Variants in AGRN observed in about 807,000 individuals in gnomAD.
AGRN encodes agrin proteoglycan.
AGRN carries 106 observed loss-of-function variants against 211.0 expected under a neutral mutation model. The ratio of observed to expected loss-of-function variants is 0.50; its 90% CI spans 0.43 to 0.59. AGRN has a LOEUF of 0.59. Ranked by LOEUF, AGRN falls within the 20% of genes least tolerant of loss-of-function variation. The pLI, the probability that AGRN is intolerant of heterozygous loss-of-function variation, is 0.00. For synonymous variants in AGRN, 1,525 were observed against 1,332.5 expected (o/e 1.14, Z -3.15); for missense variants, 3,040 against 2,982.6 (o/e 1.02, Z -0.45).
Position 1,053,957 on chromosome 1 carries a change from G to T in AGRN, c.5856G>T (p.Trp1952Cys). The change falls in exon 34 of 36, where the codon TGG becomes TGT. Residue 1952 changes from tryptophan (W) to cysteine (C), a missense_variant. Coordinates refer to ENST00000379370, the MANE Select transcript of AGRN (RefSeq NM_198576.4). ...RSTVPVNTNR[W>C]LRVVAHREQR... is the part of the protein sequence containing the mutation. ...CCGTGCCCGTCAACACCAACCGCTG[G>T]TTGCGGGTCGTGGCACATAGGTGAG... The T allele has an allele frequency of 6.2e-7, 1 of 1,601,884 alleles. No homozygotes were observed. Among genetic ancestry groups the T allele is most frequent in the Non-Finnish European group, 8.5e-7 (1 of 1,175,144 alleles).
Position 1,046,492 on chromosome 1 carries a change from G to A in AGRN, c.3007G>A (p.Ala1003Thr), listed in dbSNP as rs756683875. ...CCAGGCACTGCCGGCCCCCCCCGGC[G>A]CCCTCCCCCTGGCTCCCAGCAGTAC... ...LSQALPAPPG[A>T]LPLAPSSTAH... is the part of the protein sequence containing the mutation. Residue 1003 changes from alanine (A) to threonine (T), a missense_variant, in exon 18 of 36, where the codon GCC (alanine) becomes ACC (threonine). Physicochemically the swap from Ala to Thr is moderately conservative, Grantham distance 58 (BLOSUM62 0). Coordinates refer to ENST00000379370, the MANE Select transcript of AGRN (RefSeq NM_198576.4). 14 of 1,603,644 alleles carry A rather than the reference G, an allele frequency of 8.7e-6. No homozygotes were observed. The South Asian group carries it at 8.8e-5, about 10-fold the overall frequency.
intron 2 of AGRN, among the ~76,000 whole-genome samples, chr1:1,025,375 G>A (rs1644497965): frequency 6.6e-6 from 1 of 152,324 alleles, no homozygotes; most frequent in Middle Eastern, 3.4e-3. Flanking sequence ...GAAGCCCAGA[G>A]TCCCACGGCA....
In AGRN at chr1:1,041,934, C is replaced by T. The variant is rs1644953675; in HGVS notation, c.1178-22C>T. The T allele has an allele frequency of 1.9e-6, 3 of 1,610,032 alleles. No individual in the cohort carries two copies. In the South Asian group the frequency reaches 3.3e-5, roughly 18 times the overall value. On this transcript the variant is annotated intron_variant, in intron 6 of 35. Coordinates refer to ENST00000379370, the MANE Select transcript of AGRN (RefSeq NM_198576.4). The stretch of plus-strand genomic sequence containing the variant: ...GGAGGGTGCTCCAGCCTCTCCGTGA[C>T]TCCCTCACCCCTGCGTCCTAGACCA...
chr1:1,024,296 C>G (rs547739082), intron 2 of AGRN, among the ~76,000 whole-genome samples: 13 of 152,150 alleles, frequency 8.5e-5, no homozygotes, highest in African/African-American at 2.7e-4. Flanking sequence ...TGTGTGCCCA[C>G]CCCTCCCCTC....
In AGRN at chr1:1,024,852, C is replaced by T. The variant is rs997048109; in HGVS notation, c.463+2390C>T. ...AGACAGGTATGTGTCCCTCCCTCTG[C>T]GCCACCTTTGGGCGGGGGAGGCCCG... is the stretch of plus-strand genomic sequence containing the variant. On this transcript the variant is annotated intron_variant, in intron 2 of 35. Coordinates refer to ENST00000379370, the MANE Select transcript of AGRN (RefSeq NM_198576.4). Among the ~76,000 whole-genome samples, 6 of 152,214 alleles carry T rather than the reference C, an allele frequency of 3.9e-5. 1 individual carries two copies. Among genetic ancestry groups the T allele is most frequent in the South Asian group, 4.1e-4 (2 of 4,834 alleles).
chr1:1,033,809 C>T (rs1644732438), intron 2 of AGRN, among the ~76,000 whole-genome samples: 1 of 142,854 alleles, frequency 7.0e-6, no homozygotes, highest in Non-Finnish European at 1.6e-5. Flanking sequence ...CGGCCCCGGG[C>T]CCAGCCCCAG....
Position 1,050,648 on chromosome 1 carries a change from C to T in AGRN, c.5141+57C>T. ...GGGGCACTGGCCCGGGGCCGGGGCA[C>T]CAGCAGGTCGCTCAGGCCCTGGGTG... is the stretch of plus-strand genomic sequence containing the variant. On this transcript the variant is annotated intron_variant, in intron 29 of 35. Coordinates refer to ENST00000379370, the MANE Select transcript of AGRN (RefSeq NM_198576.4). 1.9e-6 allele frequency: 3 copies of T among 1,603,424 alleles called. No individual in the cohort carries two copies. The South Asian group carries it at 3.3e-5, about 18-fold the overall frequency.
At chr1:1,035,345 G>C (rs199879704) in intron 3 of AGRN, 21 bp downstream of exon 3, 1 of 1,612,974 alleles carries the variant, frequency 6.2e-7, no homozygotes, top group Non-Finnish European at 8.5e-7. Flanking sequence ...CTGAGTTCGG[G>C]GGACCTGGAT....
In AGRN at chr1:1,043,278, T is replaced by C. The variant is rs1444837718; in HGVS notation, c.1424T>C (p.Phe475Ser). 2.5e-6 allele frequency: 4 copies of C among 1,611,376 alleles called. No individual in the cohort carries two copies. The highest frequency in any genetic ancestry group is 2.2e-5 in the East Asian group (1 of 44,784). The change falls in exon 8 of 36, where the codon TTT (phenylalanine) becomes TCT (serine). Residue 475 changes from phenylalanine (F) to serine (S), a missense_variant. Physicochemically the swap from Phe to Ser is radical, Grantham distance 155. Around this residue, in one of 3 missense-constraint regions of AGRN, gnomAD observed 1,498 missense variants for 1,457.8 expected, o/e 1.03. Transcript: ENST00000379370. Reference protein sequence around the residue: ...PSPCLGVQCAFGATCAVKNGQ... With the variant: ...PSPCLGVQCASGATCAVKNGQ... ...CCATGCCTCGGGGTGCAGTGTGCAT[T>C]TGGGGCGACGTGTGCTGTGAAGAAC... is the stretch of plus-strand genomic sequence containing the variant.
chr1:1,020,454 C>T (rs1644371017), intron 1 of AGRN, 81 bp downstream of exon 1: 5 of 1,351,094 alleles, frequency 3.7e-6, no homozygotes, highest in East Asian at 6.3e-5. Context: ...TGGGAACCAG[C>T]CCCGGTCGCT....
chr1:1,035,940 A>G (rs1446360029), intron 3 of AGRN, among the ~76,000 whole-genome samples: 1 of 152,024 alleles, frequency 6.6e-6, no homozygotes, highest in Non-Finnish European at 1.5e-5. Flanking sequence ...GGCCACTGTC[A>G]TCGGGGTGGT....
At position 1,054,894 on chromosome 1, in the gene AGRN, G is replaced by A; in HGVS notation, c.6051G>A (p.Leu2017=). The A allele has an allele frequency of 6.4e-7, 1 of 1,551,806 alleles. No individual in the cohort carries two copies. The change falls in exon 36 of 36, where the codon TTG becomes TTA. Residue 2017 remains leucine, a synonymous_variant. Coordinates refer to ENST00000379370, the MANE Select transcript of AGRN (RefSeq NM_198576.4). ...ACGGCACAGGCTTTGTGGGCTGCTT[G>A]CGGGACGTGGTGGTGGGCCGGCACC... ...KAYGTGFVGC[L]RDVVVGRHPL... is the part of the protein sequence containing the mutation.
chr1:1,052,344 G>C, intron 33 of AGRN: 1 of 346,038 alleles, frequency 2.9e-6, no homozygotes, highest in South Asian at 2.1e-5. Flanking sequence ...ATATGGAGTG[G>C]ATGTGCAAGT....
Position 1,046,573 on chromosome 1 carries a change from G to C in AGRN, c.3088G>C (p.Val1030Leu), listed in dbSNP as rs199933532. ...PSSRPRTTAS[V>L]PRTTVWPVLT... ...ATCACGACCTCGGACCACTGCCAGC[G>C]TCCCCAGGACCACCGTGTGGCCCGT... The change falls in exon 18 of 36, where the codon GTC (valine) becomes CTC (leucine). Residue 1030 changes from valine (V) to leucine (L), a missense_variant. By Grantham distance (32) the Val-to-Leu change is conservative (BLOSUM62 1). Transcript: ENST00000379370. The C allele has an allele frequency of 1.9e-6, 3 of 1,608,078 alleles. No individual in the cohort carries two copies.
intron 33 of AGRN, 156 bp from the exon 34 acceptor site, chr1:1,053,597 C>A: frequency 6.7e-7 from 1 of 1,503,272 alleles, no homozygotes; most frequent in Non-Finnish European, 9.0e-7. Flanking sequence ...CTCCATCCCT[C>A]TTCTCCCTCC....
chr1:1,031,089 G>A lies in AGRN; in HGVS notation c.464-4188G>A, dbSNP rs1644664001. 1.5e-5 allele frequency among the ~76,000 whole-genome samples: 2 copies of A among 131,198 alleles called. No individual in the cohort carries two copies. The highest frequency in any genetic ancestry group is 7.3e-5 in the Admixed American group (1 of 13,624). 86.1% of individuals were successfully genotyped at this position (131,198 alleles called of 152,430 possible). On this transcript the variant is annotated intron_variant, in intron 2 of 35. Coordinates refer to ENST00000379370, the MANE Select transcript of AGRN (RefSeq NM_198576.4). The surrounding 1 kb of genome is among the most constrained non-coding windows in gnomAD (Gnocchi z 4.8). ...AGTGCATGGTGCTGTGAGTGTGATT[G>A]TGTGTGTGTGTGTGCGGTGCATGGT...
intron 2 of AGRN, chr1:1,034,218 G>T: frequency 1.0e-6 from 1 of 985,414 alleles, no homozygotes; most frequent in Non-Finnish European, 1.2e-6. Flanking sequence ...GCGCGGCTCC[G>T]GGGGCTCCGG....
At chr1:1,033,350 C>A (rs1378077534) in intron 2 of AGRN, among the ~76,000 whole-genome samples, 1 of 151,840 alleles carries the variant, frequency 6.6e-6, no homozygotes, top group East Asian at 1.9e-4. Flanking sequence ...CGGGCGCAGA[C>A]ACTCGCGGGC....
At chr1:1,039,343 G>A (rs780310368) in intron 3 of AGRN, among the ~76,000 whole-genome samples, 1 of 151,402 alleles carries the variant, frequency 6.6e-6, no homozygotes, top group Non-Finnish European at 1.5e-5. Context: ...CAGCGCCAGA[G>A]CCTGGGGTGG....
Sources: allele counts gnomAD v4.1 joint callset (sites outside exome capture counted in the v4.1 genomes callset), GRCh38; gene constraint gnomAD v4.1.1; regional missense constraint gnomAD v4.1.1; non-coding constraint Gnocchi (gnomAD v3.1); transcripts MANE v1.5; gene names NCBI Gene and HGNC (gene_info 2026-07-23, HGNC 2026-07-21).